Variants in GRID2 observed in about 807,000 individuals in gnomAD.
The protein encoded by GRID2 is glutamate receptor ionotropic, delta-2.
In GRID2, 33 loss-of-function variants were observed where a neutral mutation model predicts 114.8. That is an observed-to-expected ratio of 0.29 (90% CI 0.22 to 0.38). The LOEUF (loss-of-function observed/expected upper bound fraction) is 0.38. Among genes scored for constraint, GRID2 ranks in the 10% least tolerant of loss-of-function variants. The probability of loss-of-function intolerance (pLI) is 1.00; values close to 1 mark genes in which losing one functional copy is unlikely to be tolerated. For synonymous variants in GRID2, 505 were observed against 449.9 expected (o/e 1.12, Z -1.55); for missense variants, 1,184 against 1,257.7 (o/e 0.94, Z 0.89).
intron 13 of GRID2, among the ~76,000 whole-genome samples, chr4:93,541,678 A>G (rs1732665442): frequency 6.6e-6 from 1 of 152,192 alleles, no homozygotes; most frequent in Non-Finnish European, 1.5e-5. Context: ...TTCTAAAACC[A>G]CTAGAAGGAA....
At chr4:93,048,043 C>T (rs1379341009) in intron 2 of GRID2, among the ~76,000 whole-genome samples, 2 of 152,144 alleles carry the variant, frequency 1.3e-5, no homozygotes, top group East Asian at 1.9e-4. Context: ...ATATTGATGG[C>T]CCATAGGCTA....
At chr4:92,644,758 TAA>T (rs996054503) in intron 2 of GRID2, among the ~76,000 whole-genome samples, 6 of 151,678 alleles carry the variant, frequency 4.0e-5, no homozygotes, top group Non-Finnish European at 8.9e-5. Context: ...TAAGATAATA[TAA>T]GAGTTGTATA....
chr4:92,306,949 C>T (rs1420844034), intron 1 of GRID2, among the ~76,000 whole-genome samples: 11 of 151,894 alleles, frequency 7.2e-5, no homozygotes, highest in Non-Finnish European at 1.5e-5. Flanking sequence ...TATAGACTAC[C>T]TAATATTGTC....
intron 2 of GRID2, among the ~76,000 whole-genome samples, chr4:92,904,933 T>C (rs1747840656): frequency 6.6e-6 from 1 of 152,052 alleles, no homozygotes; most frequent in Non-Finnish European, 1.5e-5. Context: ...AATCTAATTT[T>C]ACTATCCTTA....
intron 2 of GRID2, among the ~76,000 whole-genome samples, chr4:92,909,349 C>T (rs1748199740): frequency 6.6e-6 from 1 of 151,388 alleles, no homozygotes. Context: ...TAAAAGAGCA[C>T]TTTTTCACAT....
intron 2 of GRID2, among the ~76,000 whole-genome samples, chr4:92,650,401 G>C (rs958966487): frequency 3.3e-5 from 5 of 152,038 alleles, no homozygotes; most frequent in Admixed American, 1.3e-4. Flanking sequence ...GGTTGTTGTA[G>C]TTTTCAATCA....
In GRID2 at chr4:92,691,254, C is replaced by A. The variant is rs79651985; in HGVS notation, c.244+100968C>A. ...TATATCGTATCCAAAAATTATGGTA[C>A]TTTGCTGAACCTTTTCATACATTTC... On this transcript the variant is annotated intron_variant, in intron 2 of 15. Transcript: ENST00000282020. Among the ~76,000 whole-genome samples the A allele has an allele frequency of 3.2e-4, 48 of 152,162 alleles. No individual in the cohort carries two copies. The East Asian group carries it at 8.9e-3, about 28-fold the overall frequency.
chr4:93,495,453 G>A (rs1443895771), intron 12 of GRID2, among the ~76,000 whole-genome samples: 1 of 151,742 alleles, frequency 6.6e-6, no homozygotes, highest in Admixed American at 6.6e-5. Flanking sequence ...ACTAAAGCCT[G>A]GAGACAGAGG....
chr4:92,948,753 T>C (rs1488991625), intron 2 of GRID2, among the ~76,000 whole-genome samples: 1 of 151,972 alleles, frequency 6.6e-6, no homozygotes, highest in Non-Finnish European at 1.5e-5. Context: ...AATCGTTTCT[T>C]TTGCAAATTG....
chr4:93,042,037 G>A (rs911440137), intron 2 of GRID2, among the ~76,000 whole-genome samples: 1 of 151,696 alleles, frequency 6.6e-6, no homozygotes, highest in Admixed American at 6.6e-5. Context: ...TGAGTAGCTG[G>A]GACTACAGGT....
intron 1 of GRID2, among the ~76,000 whole-genome samples, chr4:92,538,899 AGG>A: frequency 6.6e-6 from 1 of 152,022 alleles, no homozygotes; most frequent in Admixed American, 6.6e-5. Flanking sequence ...AAAATTATCC[AGG>A]CATGGTGGTG....
intron 13 of GRID2, among the ~76,000 whole-genome samples, chr4:93,548,944 A>G (rs1733499687): frequency 6.8e-6 from 1 of 147,826 alleles, no homozygotes; most frequent in African/African-American, 2.5e-5. Context: ...TTAGAGAAGT[A>G]AAAAAAAAAA....
intron 4 of GRID2, among the ~76,000 whole-genome samples, chr4:93,126,927 A>G (rs1311080853): frequency 6.6e-6 from 1 of 152,102 alleles, no homozygotes; most frequent in African/African-American, 2.4e-5. Context: ...TGTTCTCATG[A>G]AGTTTTTATT....
intron 3 of GRID2, among the ~76,000 whole-genome samples, chr4:93,107,530 AATTT>A (rs1158042115): frequency 2.0e-5 from 3 of 152,110 alleles, no homozygotes; most frequent in African/African-American, 4.8e-5. Context: ...TTACTAGATC[AATTT>A]ATTTATTAAA....
chr4:93,398,665 G>A (rs1050273513), intron 9 of GRID2, among the ~76,000 whole-genome samples: 28 of 151,254 alleles, frequency 1.9e-4, no homozygotes, highest in African/African-American at 6.6e-4. Context: ...TCACCTTCAT[G>A]ACTCTTAATA....
intron 2 of GRID2, among the ~76,000 whole-genome samples, chr4:92,838,214 G>A (rs116394023): frequency 1.2e-3 from 187 of 152,138 alleles, no homozygotes; most frequent in African/African-American, 4.4e-3. Flanking sequence ...ACACAAATGG[G>A]TGACTGTGTA....
At chr4:92,351,024 C>T (rs1022087062) in intron 1 of GRID2, among the ~76,000 whole-genome samples, 4 of 151,686 alleles carry the variant, frequency 2.6e-5, no homozygotes, top group Non-Finnish European at 5.9e-5. Context: ...TTTTTATGGC[C>T]AAATAATAAT....
intron 2 of GRID2, among the ~76,000 whole-genome samples, chr4:92,821,356 G>C (rs979348940): frequency 1.3e-5 from 2 of 152,100 alleles, no homozygotes; most frequent in African/African-American, 4.8e-5. Context: ...AACCTTATCT[G>C]TCATGCTTAA....
At chr4:92,356,575 T>G (rs1156482065) in intron 1 of GRID2, among the ~76,000 whole-genome samples, 1 of 151,740 alleles carries the variant, frequency 6.6e-6, no homozygotes, top group Non-Finnish European at 1.5e-5. Context: ...TCTGTACTTG[T>G]GTGTATGTGC....
Sources: allele counts gnomAD v4.1 joint callset (sites outside exome capture counted in the v4.1 genomes callset), GRCh38; gene constraint gnomAD v4.1.1; transcripts MANE v1.5; gene names NCBI Gene and HGNC (gene_info 2026-07-23, HGNC 2026-07-21).